Variants in KLHL3 observed in about 807,000 individuals in gnomAD.
KLHL3 encodes the protein kelch-like protein 3.
A neutral mutation model predicts 70.5 loss-of-function variants in KLHL3; 19 were observed. The ratio of observed to expected loss-of-function variants is 0.27; its 90% confidence interval spans 0.19 to 0.40. The LOEUF (loss-of-function observed/expected upper bound fraction) is 0.40. Among genes scored for constraint, KLHL3 ranks in the 10% least tolerant of loss-of-function variants. KLHL3 has a pLI of 1.00. For missense variants in KLHL3, 512 were observed against 771.1 expected, an observed-to-expected ratio of 0.66 and a Z score of 3.98; for synonymous variants, 258 against 290.3, an observed-to-expected ratio of 0.89 and a Z score of 1.13.
intron 5 of KLHL3, among the ~76,000 whole-genome samples, chr5:137,687,206 AG>A (rs749331259): frequency 0.034 from 712 of 20,728 alleles, 3 homozygotes; most frequent in African/African-American, 0.063. Flanking sequence ...GGAAGTGAGG[AG>A]CCCCTCTGCC....
At chr5:137,680,464 A>G (rs1247958994) in intron 5 of KLHL3, among the ~76,000 whole-genome samples, 1 of 151,100 alleles carries the variant, frequency 6.6e-6, no homozygotes, top group Non-Finnish European at 1.5e-5. Flanking sequence ...GCTTTAAGAA[A>G]CTCTTTAGAA....
chr5:137,656,125 T>G (rs1349084826), intron 8 of KLHL3, among the ~76,000 whole-genome samples: 1 of 151,660 alleles, frequency 6.6e-6, no homozygotes, highest in Non-Finnish European at 1.5e-5. Context: ...GAAATCAAGA[T>G]TAATCTCACT....
chr5:137,621,963 C>T lies in KLHL3; in HGVS notation c.*135G>A, dbSNP rs577877283. 132 of 913,762 alleles carry T rather than the reference C, an allele frequency of 1.4e-4. No homozygotes were observed. In the South Asian group the frequency reaches 1.8e-3, roughly 12 times the overall value. The allele number at this position is 913,762 out of a possible 1,614,324, so 56.6% of individuals were successfully genotyped here. On this transcript the variant is annotated 3_prime_UTR_variant, in exon 15 of 15. Transcript: ENST00000309755. The stretch of plus-strand genomic sequence containing the variant: ...ACTGCGATGAACAACACCAGTCTGC[C>T]AAGTCAGAGGAGAGCGGTTCTCACA...
intron 1 of KLHL3, among the ~76,000 whole-genome samples, chr5:137,735,142 G>GCA (rs957266467): frequency 2.0e-5 from 3 of 152,182 alleles, no homozygotes; most frequent in Middle Eastern, 3.4e-3. Context: ...GTGCACGCGC[G>GCA]CACACACACA....
intron 1 of KLHL3, among the ~76,000 whole-genome samples, chr5:137,728,580 G>A (rs1393712126): frequency 6.6e-6 from 1 of 152,108 alleles, no homozygotes; most frequent in Non-Finnish European, 1.5e-5. Context: ...TAGAGAAGAG[G>A]GAAGAAAGTG....
At chr5:137,669,643 C>T (rs150216308) in intron 6 of KLHL3, among the ~76,000 whole-genome samples, 4 of 151,402 alleles carry the variant, frequency 2.6e-5, no homozygotes, top group South Asian at 2.1e-4. Context: ...AGCTGAGAGA[C>T]GTCAGTGGTA....
chr5:137,622,273 G>A (rs1436060554), intron 14 of KLHL3, 147 bp from the exon 15 acceptor site: 1 of 942,636 alleles, frequency 1.1e-6, no homozygotes, highest in Non-Finnish European at 1.6e-6. Context: ...GACTCAGGCT[G>A]CTAGCAGCTG....
intron 5 of KLHL3, among the ~76,000 whole-genome samples, chr5:137,680,964 G>C (rs1194779600): frequency 3.3e-5 from 5 of 152,048 alleles, no homozygotes; most frequent in Non-Finnish European, 5.9e-5. Context: ...TTTGAGGTCA[G>C]GGGTTCAAGA....
At chr5:137,661,838 C>A in intron 7 of KLHL3, 77 bp downstream of exon 7, 1 of 819,614 alleles carries the variant, frequency 1.2e-6, no homozygotes, top group Non-Finnish European at 2.1e-6. Flanking sequence ...ACTACTCCAT[C>A]CAACCAGGAT....
At chr5:137,678,572 C>T (rs1580754091) in intron 5 of KLHL3, among the ~76,000 whole-genome samples, 2 of 152,278 alleles carry the variant, frequency 1.3e-5, no homozygotes, top group South Asian at 2.1e-4. Flanking sequence ...CCTCCTGCCT[C>T]GGCCTCCTGA....
At chr5:137,701,897 T>C (rs892649287) in intron 3 of KLHL3, among the ~76,000 whole-genome samples, 1 of 152,274 alleles carries the variant, frequency 6.6e-6, no homozygotes, top group Non-Finnish European at 1.5e-5. Flanking sequence ...AGAGAATGTC[T>C]GTCAACTGCA....
chr5:137,658,019 G>T, intron 8 of KLHL3, 112 bp downstream of exon 8: 1 of 1,052,226 alleles, frequency 9.5e-7, no homozygotes, highest in Non-Finnish European at 1.4e-6. Context: ...GGTTGTAAAT[G>T]CAACCAAGAT....
chr5:137,659,512 T>A (rs1485193805), intron 7 of KLHL3, among the ~76,000 whole-genome samples: 1 of 152,190 alleles, frequency 6.6e-6, no homozygotes, highest in Non-Finnish European at 1.5e-5. Context: ...TTGGAAGGTT[T>A]TTTTTTCCCC....
intron 1 of KLHL3, among the ~76,000 whole-genome samples, 186 bp downstream of exon 1, chr5:137,735,447 A>C (rs1435518588): frequency 6.6e-6 from 1 of 152,208 alleles, no homozygotes; most frequent in African/African-American, 2.4e-5. Context: ...CTGGAGATTC[A>C]AGCCCTGGAA....
At position 137,735,674 on chromosome 5, in the gene KLHL3, T is replaced by C; in HGVS notation, c.-28A>G. 1.2e-6 allele frequency: 2 copies of C among 1,614,180 alleles called. No homozygotes were observed. Among genetic ancestry groups the C allele is most frequent in the Non-Finnish European group, 1.7e-6 (2 of 1,180,004 alleles). On this transcript the variant is annotated 5_prime_UTR_variant, in exon 1 of 15. Coordinates refer to ENST00000309755, the MANE Select transcript of KLHL3 (RefSeq NM_017415.3). ...TGTGAGGCCCAGCCAGGGTGGTAGC[T>C]GCTGAACTGTGTATGCACTCGGGGA...
At chr5:137,672,729 A>C (rs2149904318) in intron 6 of KLHL3, 1 of 152,344 alleles carries the variant, frequency 6.6e-6, no homozygotes, top group South Asian at 2.1e-4. Context: ...GCAATTCAAC[A>C]GCAAAACTGC....
intron 7 of KLHL3, 50 bp from the exon 8 acceptor site, chr5:137,658,330 T>C (rs747284026): frequency 3.8e-6 from 6 of 1,583,140 alleles, no homozygotes; most frequent in Non-Finnish European, 5.2e-6. Context: ...CAGCCACATT[T>C]CCCAAGCTTT....
chr5:137,667,855 A>C (rs1751650822), intron 6 of KLHL3, among the ~76,000 whole-genome samples: 1 of 152,252 alleles, frequency 6.6e-6, no homozygotes, highest in African/African-American at 2.4e-5. Context: ...CAATCTGAGA[A>C]GGACTAACTT....
intron 1 of KLHL3, among the ~76,000 whole-genome samples, chr5:137,729,565 G>A (rs1753138978): frequency 6.6e-6 from 1 of 152,088 alleles, no homozygotes; most frequent in African/African-American, 2.4e-5. Flanking sequence ...GTGGTTGCAG[G>A]CCCTCAGGAA....
Sources: allele counts gnomAD v4.1 joint callset (sites outside exome capture counted in the v4.1 genomes callset), GRCh38; gene constraint gnomAD v4.1.1; transcripts MANE v1.5; gene names NCBI Gene and HGNC (gene_info 2026-07-23, HGNC 2026-07-21).